Variants in MYCBP2 observed in about 807,000 individuals in gnomAD.
MYCBP2 encodes the protein MYC binding protein 2.
In MYCBP2, 120 loss-of-function variants were observed where a neutral mutation model predicts 525.3. The ratio of observed to expected loss-of-function variants is 0.23; its 90% CI spans 0.20 to 0.27. The LOEUF (loss-of-function observed/expected upper bound fraction) is 0.27, where lower values mean the gene tolerates loss of function less well. Among genes scored for constraint, MYCBP2 ranks in the 10% least tolerant of loss-of-function variants. The probability of loss-of-function intolerance (pLI) is 1.00; values close to 1 mark genes in which losing one functional copy is unlikely to be tolerated. For synonymous variants in MYCBP2, 1,894 were observed against 1,955.8 expected (o/e 0.97, Z 0.83); for missense variants, 4,149 against 5,657.1 (o/e 0.73, Z 8.55).
intron 14 of MYCBP2, among the ~76,000 whole-genome samples, chr13:77,253,376 C>G (rs1045446969): frequency 1.3e-5 from 2 of 151,744 alleles, no homozygotes; most frequent in African/African-American, 4.8e-5. Context: ...TCCAAATGCC[C>G]AAATACTAGA....
At chr13:77,108,736 C>T (rs1411711563) in intron 55 of MYCBP2, among the ~76,000 whole-genome samples, 1 of 149,190 alleles carries the variant, frequency 6.7e-6, no homozygotes, top group Admixed American at 6.7e-5. Context: ...TGGAGTCTTG[C>T]TCTGTTGCCC....
At chr13:77,294,152 A>ACAT (rs370909379) in intron 2 of MYCBP2, among the ~76,000 whole-genome samples, 4 of 94,240 alleles carry the variant, frequency 4.2e-5, no homozygotes, top group Non-Finnish European at 6.7e-5. Context: ...ACATATATAT[A>ACAT]AAATATATAT....
At chr13:77,168,226 A>C (rs1361767619) in intron 40 of MYCBP2, among the ~76,000 whole-genome samples, 1 of 152,160 alleles carries the variant, frequency 6.6e-6, no homozygotes, top group Non-Finnish European at 1.5e-5. Flanking sequence ...TAAACCAATA[A>C]AATTTTATCA....
At position 77,076,862 on chromosome 13, in the gene MYCBP2, T is replaced by C. The variant is rs529468371; in HGVS notation, c.11725-13A>G. On this transcript the variant is annotated splice_polypyrimidine_tract_variant and intron_variant, in intron 67 of 82. Coordinates refer to ENST00000544440, the MANE Select transcript of MYCBP2 (RefSeq NM_015057.5). ...GCTTTCCAAATACCTGATGAAGATATGCATGTGAGAAGGAATTAATGACAG... is the reference window on the plus strand; with the variant it reads ...GCTTTCCAAATACCTGATGAAGATACGCATGTGAGAAGGAATTAATGACAG... The C allele has an allele frequency of 1.9e-6, 3 of 1,575,796 alleles. No individual in the cohort carries two copies. The highest frequency in any genetic ancestry group is 1.7e-5 in the Admixed American group (1 of 59,152).
chr13:77,057,066 G>A lies in MYCBP2; in HGVS notation c.13357C>T (p.Gln4453Ter). The change falls in exon 79 of 83, where the codon CAG (glutamine) becomes TAG (stop). Residue 4453 changes from glutamine (Q) to a stop codon, truncating the protein, a stop_gained. Coordinates refer to ENST00000544440, the MANE Select transcript of MYCBP2 (RefSeq NM_015057.5). LOFTEE classifies it high-confidence loss of function. Reference sequence around the variant, plus strand: ...TTTTCTAATACTCGCCGACAGCACTGTAAGTGGAATATGTGACTACAATCC... The same window carrying A: ...TTTTCTAATACTCGCCGACAGCACTATAAGTGGAATATGTGACTACAATCC... ...QLDCSHIFHL[Q>*]CCRRVLENRW... 6.2e-7 allele frequency: 1 copy of A among 1,613,588 alleles called. No individual in the cohort carries two copies. Among genetic ancestry groups the A allele is most frequent in the Non-Finnish European group, 8.5e-7 (1 of 1,179,622 alleles).
intron 35 of MYCBP2, 89 bp downstream of exon 35, chr13:77,177,659 T>G: frequency 9.5e-7 from 1 of 1,049,104 alleles, no homozygotes; most frequent in Non-Finnish European, 1.4e-6. Context: ...CAGTGATTGA[T>G]CTAGTAAACC....
chr13:77,080,726 G>A (rs1274381995), intron 65 of MYCBP2: 1 of 152,268 alleles, frequency 6.6e-6, no homozygotes, highest in Non-Finnish European at 1.5e-5. Context: ...CAGATCACTT[G>A]AGGCCAGGGG....
At position 77,174,299 on chromosome 13, in the gene MYCBP2, A is replaced by G; in HGVS notation, c.5651+12T>C. On this transcript the variant is annotated intron_variant, in intron 37 of 82. Coordinates refer to ENST00000544440, the MANE Select transcript of MYCBP2 (RefSeq NM_015057.5). ...TGTAAAGTATTTCCGTTATCTCTAT[A>G]CATTCACCCACCTATAGTAGAGTAT... 1 of 1,612,810 alleles carries G rather than the reference A, an allele frequency of 6.2e-7. No individual in the cohort carries two copies. The highest frequency in any genetic ancestry group is 8.5e-7 in the Non-Finnish European group (1 of 1,178,896).
rs1250180743 is a variant in MYCBP2, at chr13:77,144,515, A to G, written c.7233T>C (p.Tyr2411=). 5 of 1,613,924 alleles carry G rather than the reference A, an allele frequency of 3.1e-6. No individual in the cohort carries two copies. Among genetic ancestry groups the G allele is most frequent in the Admixed American group, 1.7e-5 (1 of 60,018 alleles). ...TAGCCCCTGGAGTCCAATTTGCACA[A>G]TAAGTCCCATCATTATTGACACGGA... ...MLIRVNNDGT[Y]CANWTPGAIG... The change falls in exon 49 of 83, where the codon TAT becomes TAC. Residue 2411 remains tyrosine (Y), a synonymous_variant. Transcript: ENST00000544440.
chr13:77,192,740 G>T (rs1428793901), intron 27 of MYCBP2, among the ~76,000 whole-genome samples: 5 of 152,192 alleles, frequency 3.3e-5, no homozygotes, highest in Non-Finnish European at 7.3e-5. Flanking sequence ...TGCCTTAGGA[G>T]TCTGGGCTTT....
chr13:77,206,938 G>A, intron 23 of MYCBP2, 113 bp from the exon 24 acceptor site: 7 of 868,512 alleles, frequency 8.1e-6, no homozygotes, highest in South Asian at 6.2e-5. Flanking sequence ...AGCTTAAAGA[G>A]GACAAATGTA....
chr13:77,141,145 C>T (rs1194913457), intron 49 of MYCBP2, among the ~76,000 whole-genome samples: 7 of 151,996 alleles, frequency 4.6e-5, no homozygotes, highest in Non-Finnish European at 8.8e-5. Flanking sequence ...AGGAATGTCT[C>T]AGGATGTCAA....
At chr13:77,052,071 T>C (rs2036933755) in intron 80 of MYCBP2, among the ~76,000 whole-genome samples, 153 bp from the exon 81 acceptor site, 1 of 152,194 alleles carries the variant, frequency 6.6e-6, no homozygotes, top group Non-Finnish European at 1.5e-5. Context: ...CATGCCCATA[T>C]TGCTTGCTGA....
At chr13:77,102,594 T>C (rs921972139) in intron 55 of MYCBP2, among the ~76,000 whole-genome samples, 2 of 151,578 alleles carry the variant, frequency 1.3e-5, no homozygotes, top group African/African-American at 4.8e-5. Context: ...TCTGAAATTT[T>C]GTCAATTGTC....
intron 46 of MYCBP2, among the ~76,000 whole-genome samples, chr13:77,153,655 G>C (rs1008971388): frequency 4.6e-5 from 7 of 151,750 alleles, no homozygotes; most frequent in Admixed American, 1.3e-4. Flanking sequence ...TAACCATTCT[G>C]CTTTCTTTTA....
intron 5 of MYCBP2, 90 bp from the exon 6 acceptor site, chr13:77,270,628 T>A: frequency 1.6e-6 from 2 of 1,269,240 alleles, no homozygotes; most frequent in Non-Finnish European, 2.1e-6. Flanking sequence ...TCATCATTCA[T>A]AAGACAATAA....
In MYCBP2 at chr13:77,090,232, G is replaced by C. The variant is rs1258138599; in HGVS notation, c.10399C>G (p.Leu3467Val). The C allele has an allele frequency of 1.2e-6, 2 of 1,612,314 alleles. No individual in the cohort carries two copies. Among genetic ancestry groups the C allele is most frequent in the Admixed American group, 1.7e-5 (1 of 59,902 alleles). Residue 3467 changes from leucine (L) to valine (V), a missense_variant, in exon 60 of 83, where the codon CTT (leucine) becomes GTT (valine). Coordinates refer to ENST00000544440, the MANE Select transcript of MYCBP2 (RefSeq NM_015057.5). ...LETSPITDTD[L>V]AKRTVFQRSY... Reference sequence around the variant, plus strand: ...CTTTGGAAGACAGTTCTCTTTGCAAGATCAGTATCAGTTATGGGACTGGTT... The same window carrying C: ...CTTTGGAAGACAGTTCTCTTTGCAACATCAGTATCAGTTATGGGACTGGTT...
chr13:77,243,980 A>AC, intron 15 of MYCBP2, 29 bp from the exon 16 acceptor site: 1 of 1,501,884 alleles, frequency 6.7e-7, no homozygotes, highest in South Asian at 1.4e-5. Flanking sequence ...AAAAAAAAAA[A>AC]AGACAACTGA....
intron 82 of MYCBP2, among the ~76,000 whole-genome samples, chr13:77,046,913 T>C (rs1293366609): frequency 6.6e-6 from 1 of 151,974 alleles, no homozygotes; most frequent in Non-Finnish European, 1.5e-5. Flanking sequence ...CACCAGTGGG[T>C]GGGGGAGAGT....
Sources: allele counts gnomAD v4.1 joint callset (sites outside exome capture counted in the v4.1 genomes callset), GRCh38; gene constraint gnomAD v4.1.1; transcripts MANE v1.5; gene names NCBI Gene and HGNC (gene_info 2026-07-23, HGNC 2026-07-21).